The following DCDC1 variants were observed in gnomAD, a reference collection of about 807,000 sequenced individuals.
The protein encoded by DCDC1 is doublecortin domain containing 1, also known as doublecortin domain-containing protein 1.
A neutral mutation model predicts 178.3 loss-of-function variants in DCDC1; 200 were observed. The ratio of observed to expected loss-of-function variants is 1.12; its 90% CI spans 1.00 to 1.26. The LOEUF (loss-of-function observed/expected upper bound fraction) is 1.26. DCDC1 is among the 50% of genes most tolerant of loss of function. DCDC1 has a pLI of 0.00. For synonymous variants in DCDC1, 690 were observed against 604.8 expected, an observed-to-expected ratio of 1.14 and a Z score of -2.07; for missense variants, 1,983 against 1,749.2, an observed-to-expected ratio of 1.13 and a Z score of -2.38.
chr11:31,233,282 A>T (rs1323128406), intron 9 of DCDC1, among the ~76,000 whole-genome samples: 1 of 152,148 alleles, frequency 6.6e-6, no homozygotes, highest in Non-Finnish European at 1.5e-5. Flanking sequence ...TCTGTATCAC[A>T]TATTTTAGCA....
intron 20 of DCDC1, among the ~76,000 whole-genome samples, chr11:31,014,163 C>T (rs1004409089): frequency 6.6e-6 from 1 of 152,122 alleles, no homozygotes; most frequent in Non-Finnish European, 1.5e-5. Flanking sequence ...AGAAGGGGAA[C>T]AGACACCAGA....
intron 24 of DCDC1, among the ~76,000 whole-genome samples, chr11:30,922,015 A>C (rs1946280434): frequency 6.6e-6 from 1 of 152,146 alleles, no homozygotes; most frequent in South Asian, 2.1e-4. Context: ...TCAGGGAGGT[A>C]GCACACCCAC....
chr11:30,967,532 T>C (rs1010303044), intron 20 of DCDC1, among the ~76,000 whole-genome samples: 3 of 152,106 alleles, frequency 2.0e-5, no homozygotes, highest in Non-Finnish European at 4.4e-5. Flanking sequence ...CAGAGAGATA[T>C]CTTAGAAAAT....
At chr11:31,159,023 A>G (rs1201704761) in intron 9 of DCDC1, among the ~76,000 whole-genome samples, 2 of 152,134 alleles carry the variant, frequency 1.3e-5, no homozygotes, top group African/African-American at 4.8e-5. Context: ...AATACAAAAA[A>G]ACCCCAAAAA....
At chr11:31,174,302 T>C (rs1388446209) in intron 9 of DCDC1, among the ~76,000 whole-genome samples, 3 of 152,222 alleles carry the variant, frequency 2.0e-5, no homozygotes, top group African/African-American at 7.2e-5. Flanking sequence ...GAGTTGAGGC[T>C]GAGCCCAGGC....
chr11:31,011,177 C>T (rs1952146056), intron 20 of DCDC1, among the ~76,000 whole-genome samples: 1 of 151,406 alleles, frequency 6.6e-6, no homozygotes, highest in Non-Finnish European at 1.5e-5. Flanking sequence ...TAAAAAAAAT[C>T]TCTATCCCGT....
At chr11:31,255,279 G>T (rs1240808764) in intron 8 of DCDC1, among the ~76,000 whole-genome samples, 1 of 152,126 alleles carries the variant, frequency 6.6e-6, no homozygotes, top group Non-Finnish European at 1.5e-5. Context: ...ATACTTGTTT[G>T]AGTACCTGTT....
intron 18 of DCDC1, among the ~76,000 whole-genome samples, chr11:31,072,589 T>C (rs1956635127): frequency 1.3e-5 from 2 of 152,166 alleles, no homozygotes; most frequent in South Asian, 4.1e-4. Flanking sequence ...TTCTGTTTTA[T>C]GGTTCCACGT....
rs779441994 is a variant in DCDC1, at chr11:30,900,502, G to A, written c.4511-4C>T. The A allele has an allele frequency of 3.3e-5, 50 of 1,521,248 alleles. No homozygotes were observed. The highest frequency in any genetic ancestry group is 1.7e-4 in the Middle Eastern group (1 of 5,856). 94.2% of individuals were successfully genotyped at this position (1,521,248 alleles called of 1,614,324 possible). A position where few individuals can be genotyped will look rare whatever the true frequency, so the allele number is the denominator to read the frequency against. The stretch of plus-strand genomic sequence containing the variant: ...TTCACTTTCATTCTTGGATTTTCTG[G>A]TGGAAAAAATGACACATTTATCATT... On this transcript the variant is annotated splice_region_variant and splice_polypyrimidine_tract_variant and intron_variant, in intron 32 of 38. Coordinates refer to ENST00000684477, the MANE Select transcript of DCDC1 (RefSeq NM_001387274.1).
At chr11:31,036,134 T>G (rs1954009879) in intron 20 of DCDC1, among the ~76,000 whole-genome samples, 1 of 152,192 alleles carries the variant, frequency 6.6e-6, no homozygotes, top group Admixed American at 6.5e-5. Context: ...AAACTGAATA[T>G]TTCATCTGAC....
intron 9 of DCDC1, among the ~76,000 whole-genome samples, chr11:31,145,616 T>C (rs987151129): frequency 6.6e-6 from 1 of 152,202 alleles, no homozygotes; most frequent in South Asian, 2.1e-4. Context: ...TTCTTCTCTT[T>C]GGGTAGAGTA....
intron 21 of DCDC1, among the ~76,000 whole-genome samples, chr11:30,942,910 C>G (rs1299255382): frequency 6.6e-6 from 1 of 152,226 alleles, no homozygotes; most frequent in African/African-American, 2.4e-5. Context: ...TTCCTTTAAG[C>G]TGCTTTAATT....
At chr11:31,294,798 A>AAAAGAAAG (rs199955696) in intron 6 of DCDC1, among the ~76,000 whole-genome samples, 1,867 of 125,270 alleles carry the variant, frequency 0.015, 55 homozygotes, top group African/African-American at 0.016. Flanking sequence ...AAAATAAAGA[A>AAAAGAAAG]AAAGAAAGAA....
chr11:30,896,667 C>T (rs900893021), intron 34 of DCDC1, among the ~76,000 whole-genome samples: 2 of 152,178 alleles, frequency 1.3e-5, no homozygotes, highest in African/African-American at 2.4e-5. Flanking sequence ...GCCATTCCTG[C>T]GTTTTACTTA....
intron 11 of DCDC1, among the ~76,000 whole-genome samples, chr11:31,113,278 A>C (rs1230226402): frequency 2.0e-5 from 3 of 152,120 alleles, no homozygotes. Context: ...TAATTCTGTA[A>C]CATTTTCTTT....
chr11:31,178,000 T>A (rs1300508519), intron 9 of DCDC1, among the ~76,000 whole-genome samples: 1 of 151,944 alleles, frequency 6.6e-6, no homozygotes, highest in Non-Finnish European at 1.5e-5. Flanking sequence ...CAAAGTAACA[T>A]CAGACTTAAA....
chr11:31,344,521 AC>A (rs1289670614), intron 1 of DCDC1, among the ~76,000 whole-genome samples: 1 of 152,184 alleles, frequency 6.6e-6, no homozygotes, highest in Non-Finnish European at 1.5e-5. Context: ...TGGACAAGTT[AC>A]GTAACATCTT....
chr11:30,900,559 G>A, intron 32 of DCDC1, 61 bp from the exon 33 acceptor site: 48 of 1,324,030 alleles, frequency 3.6e-5, no homozygotes, highest in Non-Finnish European at 4.6e-5. Flanking sequence ...TTTGTTTTCT[G>A]AATTTGTTTA....
chr11:31,031,349 C>A (rs1953619772), intron 20 of DCDC1, among the ~76,000 whole-genome samples: 2 of 151,874 alleles, frequency 1.3e-5, no homozygotes, highest in African/African-American at 4.8e-5. Flanking sequence ...AAAAAAAATC[C>A]CCTAACCTGG....
Sources: gnomAD v4.1 joint callset for allele counts (sites outside exome capture counted in the v4.1 genomes callset) on GRCh38, gnomAD v4.1.1 for gene constraint, MANE v1.5 for transcripts, NCBI Gene and HGNC (gene_info 2026-07-23, HGNC 2026-07-21) for gene names.